ROBO1: variants seen among roughly 807,000 people sequenced by gnomAD.
ROBO1 encodes the protein roundabout homolog 1.
A neutral mutation model predicts 195.9 loss-of-function variants in ROBO1; 149 were observed. The observed-to-expected ratio is 0.76, with a 90% CI of 0.67 to 0.87. The LOEUF (loss-of-function observed/expected upper bound fraction) is 0.87. Among genes scored for constraint, ROBO1 ranks in the 40% least tolerant of loss-of-function variants. The pLI, the probability that ROBO1 is intolerant of heterozygous loss-of-function variation, is 0.00. For missense variants in ROBO1, 1,933 were observed against 2,068.3 expected, an observed-to-expected ratio of 0.93 and a Z score of 1.27; for synonymous variants, 816 against 733.2, an observed-to-expected ratio of 1.11 and a Z score of -1.82.
chr3:79,248,804 G>A (rs1408297007), intron 2 of ROBO1, among the ~76,000 whole-genome samples: 17 of 152,144 alleles, frequency 1.1e-4, no homozygotes, highest in Non-Finnish European at 2.2e-4. Context: ...TATTGGGTGT[G>A]GGGGTTGATG....
intron 1 of ROBO1, among the ~76,000 whole-genome samples, chr3:79,734,187 T>A (rs942658348): frequency 2.6e-5 from 4 of 152,088 alleles, no homozygotes; most frequent in African/African-American, 7.2e-5. Flanking sequence ...ACCTCATGGA[T>A]CCTCTCACCT....
At chr3:79,551,278 C>T (rs1942501102) in intron 2 of ROBO1, among the ~76,000 whole-genome samples, 1 of 151,534 alleles carries the variant, frequency 6.6e-6, no homozygotes, top group Admixed American at 6.6e-5. Context: ...TGCTGGTGTG[C>T]TGCACCCATT....
intron 3 of ROBO1, among the ~76,000 whole-genome samples, chr3:78,964,485 G>A (rs2041571358): frequency 6.6e-6 from 1 of 152,124 alleles, no homozygotes; most frequent in Non-Finnish European, 1.5e-5. Context: ...CCAAACTGTA[G>A]AGACCTAAAT....
chr3:78,813,389 G>A (rs1418106254), intron 4 of ROBO1, among the ~76,000 whole-genome samples: 3 of 151,996 alleles, frequency 2.0e-5, no homozygotes, highest in Non-Finnish European at 1.5e-5. Flanking sequence ...TCTTGGTTTT[G>A]TTGGATTTTA....
At chr3:79,693,541 A>G (rs1182334737) in intron 1 of ROBO1, among the ~76,000 whole-genome samples, 1 of 151,538 alleles carries the variant, frequency 6.6e-6, no homozygotes, top group East Asian at 1.9e-4. Context: ...GGCTGAAGCA[A>G]TCCTCCTCAG....
At chr3:78,882,395 C>T (rs2036232728) in intron 4 of ROBO1, among the ~76,000 whole-genome samples, 1 of 152,156 alleles carries the variant, frequency 6.6e-6, no homozygotes, top group Non-Finnish European at 1.5e-5. Flanking sequence ...ATGTGAACCT[C>T]CTGCACTTTC....
rs113148260 is a variant in ROBO1 at position 78,932,400 on chromosome 3, T to C, written c.499+6201A>G. 9.1e-4 allele frequency among the ~76,000 whole-genome samples: 138 copies of C among 152,306 alleles called. 1 individual carries two copies. Among genetic ancestry groups the C allele is most frequent in the African/African-American group, 2.8e-3 (118 of 41,576 alleles). ...TTCAGCATGTATGAATATCAGCTAC[T>C]TTTCAAGAAAATAAAAGGAGTAGTT... On this transcript the variant is annotated intron_variant, in intron 4 of 30. Coordinates refer to ENST00000464233, the MANE Select transcript of ROBO1 (RefSeq NM_002941.4).
intron 1 of ROBO1, among the ~76,000 whole-genome samples, chr3:79,618,714 G>T (rs1433312125): frequency 6.6e-6 from 1 of 152,112 alleles, no homozygotes; most frequent in African/African-American, 2.4e-5. Context: ...TCTTCACATG[G>T]ACGCACATGA....
chr3:79,176,913 T>G (rs2081270346), intron 2 of ROBO1, among the ~76,000 whole-genome samples: 2 of 152,312 alleles, frequency 1.3e-5, no homozygotes, highest in South Asian at 4.1e-4. Context: ...ACAAAATATA[T>G]TAGCTCATAG....
chr3:79,402,543 C>A (rs1575777317), intron 2 of ROBO1, among the ~76,000 whole-genome samples: 1 of 151,898 alleles, frequency 6.6e-6, no homozygotes, highest in South Asian at 2.1e-4. Context: ...ACAAAGTCAC[C>A]GGTATTTGAA....
intron 2 of ROBO1, among the ~76,000 whole-genome samples, chr3:79,182,994 T>C (rs954537893): frequency 6.7e-6 from 1 of 149,242 alleles, no homozygotes; most frequent in Non-Finnish European, 1.5e-5. Context: ...GGCAGGAGAA[T>C]CGCTTGAACC....
In ROBO1 at chr3:78,606,777, G is replaced by C. The variant is rs528088754; in HGVS notation, c.4700C>G (p.Ala1567Gly). The change falls in exon 29 of 31, where the codon GCA becomes GGA. Residue 1567 changes from alanine (A) to glycine (G), a missense_variant. Ala to Gly is a moderately conservative substitution (Grantham distance 60). Coordinates refer to ENST00000464233, the MANE Select transcript of ROBO1 (RefSeq NM_002941.4). ...TGCTGGTGGAAGGTCTCGTTTTGCT[G>C]CCTTGTTTCCACGTCCTTTCCCGTC... ...QNDGKGRGNKAAKRDLPPAKT... is the reference protein window; with the variant it reads ...QNDGKGRGNKGAKRDLPPAKT... The C allele has an allele frequency of 1.2e-6, 2 of 1,613,892 alleles. No individual in the cohort carries two copies. The highest frequency in any genetic ancestry group is 4.5e-5 in the East Asian group (2 of 44,860).
At chr3:79,296,586 C>A (rs1455841491) in intron 2 of ROBO1, among the ~76,000 whole-genome samples, 1 of 152,078 alleles carries the variant, frequency 6.6e-6, no homozygotes, top group African/African-American at 2.4e-5. Context: ...GTGTAGGAAG[C>A]AAAACTTACA....
intron 4 of ROBO1, among the ~76,000 whole-genome samples, chr3:78,836,295 G>A (rs1435054501): frequency 6.6e-6 from 1 of 151,914 alleles, no homozygotes; most frequent in Non-Finnish European, 1.5e-5. Flanking sequence ...GGCGGATCAC[G>A]AGGTCAGGAG....
intron 1 of ROBO1, among the ~76,000 whole-genome samples, chr3:79,671,334 A>T (rs941454998): frequency 2.6e-5 from 4 of 151,862 alleles, no homozygotes; most frequent in African/African-American, 4.8e-5. Flanking sequence ...GGTACTACAG[A>T]TGTAAGAGAG....
chr3:78,649,161 A>T (rs1706490127), intron 19 of ROBO1, among the ~76,000 whole-genome samples: 1 of 151,988 alleles, frequency 6.6e-6, no homozygotes, highest in African/African-American at 2.4e-5. Flanking sequence ...ATTTGAAACT[A>T]AAGCTATTCA....
intron 2 of ROBO1, among the ~76,000 whole-genome samples, chr3:79,191,184 A>C (rs2108755599): frequency 6.6e-6 from 1 of 151,696 alleles, no homozygotes; most frequent in Middle Eastern, 3.4e-3. Flanking sequence ...CTTTTCCTGA[A>C]AAATTGTTTG....
intron 2 of ROBO1, among the ~76,000 whole-genome samples, chr3:79,139,395 C>T (rs147878340): frequency 3.3e-5 from 5 of 152,188 alleles, no homozygotes; most frequent in African/African-American, 1.2e-4. Context: ...GTTTCCAGAT[C>T]TCTCCTAGTG....
At chr3:79,336,038 G>A (rs1407543334) in intron 2 of ROBO1, among the ~76,000 whole-genome samples, 2 of 152,180 alleles carry the variant, frequency 1.3e-5, no homozygotes, top group Non-Finnish European at 2.9e-5. Context: ...GAACTTGAGA[G>A]AAATGGTCTA....
Sources: gnomAD v4.1 joint callset for allele counts (sites outside exome capture counted in the v4.1 genomes callset) on GRCh38, gnomAD v4.1.1 for gene constraint, MANE v1.5 for transcripts, NCBI Gene and HGNC (gene_info 2026-07-23, HGNC 2026-07-21) for gene names.